Variants in CEMIP observed in about 807,000 individuals in gnomAD.
CEMIP encodes cell migration inducing hyaluronidase 1, also known as cell migration-inducing and hyaluronan-binding protein.
In CEMIP, 105 loss-of-function variants were observed where a neutral mutation model predicts 156.9. The observed-to-expected ratio is 0.67, with a 90% CI of 0.57 to 0.79. The LOEUF is 0.79. Among genes scored for constraint, CEMIP ranks in the 30% least tolerant of loss-of-function variants. CEMIP has a pLI of 0.00. For synonymous variants in CEMIP, 676 were observed against 668.4 expected (o/e 1.01, Z -0.17); for missense variants, 1,457 against 1,769.4 (o/e 0.82, Z 3.17).
At chr15:80,883,556 T>C (rs1178995586) in intron 6 of CEMIP, among the ~76,000 whole-genome samples, 2 of 152,258 alleles carry the variant, frequency 1.3e-5, no homozygotes, top group Admixed American at 1.3e-4. Context: ...ATATGACTGC[T>C]ACTGTGTGAA....
rs1901824194 is a variant in CEMIP at position 80,951,479 on chromosome 15, C to T, written c.*2555C>T. On this transcript the variant is annotated 3_prime_UTR_variant, in exon 30 of 30. Coordinates refer to ENST00000394685, the MANE Select transcript of CEMIP (RefSeq NM_001293298.2). ...AGGAAAGCAACGCTCCTCTGAAATGCTTGTCTTTTTTCTGTTGCCGAAATA... is the reference window on the plus strand; with the variant it reads ...AGGAAAGCAACGCTCCTCTGAAATGTTTGTCTTTTTTCTGTTGCCGAAATA... 6.6e-6 allele frequency: 1 copy of T among 152,622 alleles called. No homozygotes were observed. Among genetic ancestry groups the T allele is most frequent in the African/African-American group, 2.4e-5 (1 of 41,456 alleles). 9.5% of individuals were successfully genotyped at this position (152,622 alleles called of 1,614,324 possible). A position where few individuals can be genotyped will look rare whatever the true frequency, so the allele number is the denominator to read the frequency against.
chr15:80,805,503 C>T (rs1008964154), intron 1 of CEMIP, among the ~76,000 whole-genome samples: 5 of 152,120 alleles, frequency 3.3e-5, no homozygotes, highest in African/African-American at 1.2e-4. Context: ...TGGTGGTTAC[C>T]GTGTGGTTAG....
intron 1 of CEMIP, 122 bp from the exon 2 acceptor site, chr15:80,873,416 G>A (rs1898361185): frequency 4.4e-6 from 1 of 226,234 alleles, no homozygotes; most frequent in Admixed American, 5.2e-5. Flanking sequence ...TTAAAGGTTA[G>A]AAAACTGAGA....
Position 80,949,283 on chromosome 15 carries a change from C to T in CEMIP, c.*359C>T. ...ATCCACTTTGGCAGGAGCCCTGACC[C>T]AGCTAGGAGGTAGTCTGGAGGGCTG... On this transcript the variant is annotated 3_prime_UTR_variant, in exon 30 of 30. Coordinates refer to ENST00000394685, the MANE Select transcript of CEMIP (RefSeq NM_001293298.2). 1 of 372,762 alleles carries T rather than the reference C, an allele frequency of 2.7e-6. No individual in the cohort carries two copies. Among genetic ancestry groups the T allele is most frequent in the Non-Finnish European group, 5.2e-6 (1 of 192,572 alleles). The allele number at this position is 372,762 out of a possible 1,614,324, so 23.1% of individuals were successfully genotyped here.
At chr15:80,852,322 G>C (rs1897733483) in intron 1 of CEMIP, among the ~76,000 whole-genome samples, 1 of 152,074 alleles carries the variant, frequency 6.6e-6, no homozygotes, top group Admixed American at 6.5e-5. Flanking sequence ...CACACAGAAG[G>C]CCCTTGAAGT....
chr15:80,927,113 G>A (rs985582489), intron 19 of CEMIP, among the ~76,000 whole-genome samples: 5 of 152,226 alleles, frequency 3.3e-5, no homozygotes, highest in Non-Finnish European at 5.9e-5. Context: ...ACAGGCGTGA[G>A]CCACTGTGCC....
At position 80,816,042 on chromosome 15, in the gene CEMIP, G is replaced by C. The variant is rs376910570; in HGVS notation, c.-176+36428G>C. ...TTAAAAATCCAAATGAGTTAGGAGA[G>C]ACTGTGACTTTCTAAAGCAAACTCT... On this transcript the variant is annotated intron_variant, in intron 1 of 29. Coordinates refer to ENST00000394685, the MANE Select transcript of CEMIP (RefSeq NM_001293298.2). 1.2e-4 allele frequency among the ~76,000 whole-genome samples: 18 copies of C among 152,296 alleles called. 2 individuals carry two copies. The highest frequency in any genetic ancestry group is 2.2e-4 in the African/African-American group (9 of 41,570).
At chr15:80,930,013 A>C (rs1900846954) in intron 21 of CEMIP, among the ~76,000 whole-genome samples, 1 of 152,212 alleles carries the variant, frequency 6.6e-6, no homozygotes, top group South Asian at 2.1e-4. Context: ...GTGTGAATTC[A>C]AGCCAGAGAG....
intron 1 of CEMIP, among the ~76,000 whole-genome samples, chr15:80,828,513 T>C (rs12913158): frequency 0.4 from 61,034 of 152,148 alleles, 13,333 homozygotes; most frequent in East Asian, 0.6. Context: ...TAGAGCTTGA[T>C]TTGAAAGACA....
At chr15:80,865,004 T>A (rs1265277481) in intron 1 of CEMIP, among the ~76,000 whole-genome samples, 3 of 151,982 alleles carry the variant, frequency 2.0e-5, no homozygotes, top group African/African-American at 7.3e-5. Context: ...ATTGTAGCTC[T>A]AGTGTGGACC....
chr15:80,848,692 G>T (rs1013912883), intron 1 of CEMIP, among the ~76,000 whole-genome samples: 1 of 152,108 alleles, frequency 6.6e-6, no homozygotes, highest in Admixed American at 6.6e-5. Context: ...GTTCCCAGGC[G>T]GAAAGAAGGG....
At chr15:80,790,257 C>T (rs531842421) in intron 1 of CEMIP, among the ~76,000 whole-genome samples, 52 of 152,294 alleles carry the variant, frequency 3.4e-4, no homozygotes, top group Middle Eastern at 3.4e-3. Context: ...ATGAGTCCTG[C>T]GTCTGAACAC....
chr15:80,945,293 G>A (rs569082607), intron 28 of CEMIP, among the ~76,000 whole-genome samples: 1 of 152,302 alleles, frequency 6.6e-6, no homozygotes, highest in African/African-American at 2.4e-5. Context: ...GTGGGAAGGG[G>A]TGGGGACACA....
rs536259421 is a variant in CEMIP, at chr15:80,946,666, C to T, written c.3858-299C>T. ...GCCCTGGCATGGTACGCTCTGCTTA[C>T]ATCCTCTCCTCTGTTTGGAGAGAGA... On this transcript the variant is annotated intron_variant, in intron 28 of 29. Transcript: ENST00000394685. 4 of 422,398 alleles carry T rather than the reference C, an allele frequency of 9.5e-6. No individual in the cohort carries two copies. In the East Asian group the frequency reaches 1.5e-4, roughly 16 times the overall value. 26.2% of individuals were successfully genotyped at this position (422,398 alleles called of 1,614,324 possible).
intron 14 of CEMIP, among the ~76,000 whole-genome samples, chr15:80,919,476 G>C (rs1034438452): frequency 2.6e-5 from 4 of 152,106 alleles, no homozygotes; most frequent in African/African-American, 9.7e-5. Flanking sequence ...ACCCTATAGA[G>C]CCTCACCACC....
At position 80,907,012 on chromosome 15, in the gene CEMIP, T is replaced by TC. The variant is rs71153559; in HGVS notation, c.1587+182dup. On this transcript the variant is annotated intron_variant, in intron 13 of 29. Coordinates refer to ENST00000394685, the MANE Select transcript of CEMIP (RefSeq NM_001293298.2). ...TATGTATTATCCATTAGTGTGCAGC[T>TC]CCCCCCCCACCAATATTTGGGAATA... Among the ~76,000 whole-genome samples the TC allele has an allele frequency of 2.9e-3, 438 of 151,820 alleles. 3 individuals carry two copies. Among genetic ancestry groups the TC allele is most frequent in the African/African-American group, 9.9e-3 (408 of 41,352 alleles).
At chr15:80,857,105 C>T (rs528318611) in intron 1 of CEMIP, among the ~76,000 whole-genome samples, 1 of 152,362 alleles carries the variant, frequency 6.6e-6, no homozygotes, top group Non-Finnish European at 1.5e-5. Context: ...ATCAAGCGTG[C>T]TCTTTCGACT....
chr15:80,948,835 C>G lies in CEMIP; in HGVS notation c.3997C>G (p.Pro1333Ala). Residue 1333 changes from proline (P) to alanine (A), a missense_variant, in exon 30 of 30, where the codon CCC (proline) becomes GCC (alanine). This residue lies in a region of CEMIP where 798 missense variants were observed against 980.1 expected (regional missense o/e 0.81). Coordinates refer to ENST00000394685, the MANE Select transcript of CEMIP (RefSeq NM_001293298.2). ...CGTTGGCTTCAAAGGCAGCTTCCGG[C>G]CCATCTGGGTGACACTGGACACTGA... is the stretch of plus-strand genomic sequence containing the variant. ...AFVGFKGSFR[P>A]IWVTLDTEDH... 1 of 1,614,216 alleles carries G rather than the reference C, an allele frequency of 6.2e-7. No homozygotes were observed. Among genetic ancestry groups the G allele is most frequent in the East Asian group, 2.2e-5 (1 of 44,872 alleles).
intron 1 of CEMIP, among the ~76,000 whole-genome samples, chr15:80,835,329 C>G (rs1297611955): frequency 6.6e-6 from 1 of 152,188 alleles, no homozygotes; most frequent in African/African-American, 2.4e-5. Context: ...GAATGTAGTA[C>G]CATCGCTGAG....
Sources: gnomAD v4.1 joint callset for allele counts (sites outside exome capture counted in the v4.1 genomes callset) on GRCh38, gnomAD v4.1.1 for gene constraint, gnomAD v4.1.1 regional missense constraint, MANE v1.5 for transcripts, NCBI Gene and HGNC (gene_info 2026-07-23, HGNC 2026-07-21) for gene names.